CAMK1D: variants seen among roughly 807,000 people sequenced by gnomAD.
CAMK1D encodes calcium/calmodulin dependent protein kinase ID.
A neutral mutation model predicts 47.7 loss-of-function variants in CAMK1D; 9 were observed. The ratio of observed to expected loss-of-function variants is 0.19; its 90% CI spans 0.11 to 0.33. The LOEUF is 0.33. Among genes scored for constraint, CAMK1D ranks in the 10% least tolerant of loss-of-function variants. The probability of loss-of-function intolerance (pLI) is 1.00; values close to 1 mark genes in which losing one functional copy is unlikely to be tolerated. For synonymous variants in CAMK1D, 184 were observed against 184.9 expected (o/e 0.99, Z 0.04); for missense variants, 291 against 488.7 (o/e 0.60, Z 3.81).
chr10:12,681,230 C>T (rs1840983667), intron 3 of CAMK1D, among the ~76,000 whole-genome samples: 1 of 152,272 alleles, frequency 6.6e-6, no homozygotes, highest in Non-Finnish European at 1.5e-5. Flanking sequence ...CACTCCGTGT[C>T]TGCCCTCAGC....
At chr10:12,663,100 A>AT (rs1554805996) in intron 2 of CAMK1D, among the ~76,000 whole-genome samples, 2 of 152,264 alleles carry the variant, frequency 1.3e-5, no homozygotes, top group East Asian at 1.9e-4. Context: ...AGCTGGGATT[A>AT]CAGGCACATG....
Position 12,734,345 on chromosome 10 carries a change from AAT to A in CAMK1D, c.300-26571_300-26570del, listed in dbSNP as rs1212612487. 7.7e-3 allele frequency among the ~76,000 whole-genome samples: 65 copies of A among 8,476 alleles called. 2 individuals are homozygous for A. The highest frequency in any genetic ancestry group is 0.026 in the South Asian group (7 of 266). The allele number at this position is 8,476 out of a possible 152,430, so 5.6% of individuals were successfully genotyped here. On this transcript the variant is annotated intron_variant, in intron 3 of 10. Transcript: ENST00000619168. ...CTCAAAAAAAAAAAAAAAAAAAAAA[AAT>A]ATATATATATATATATATATATATA...
chr10:12,645,348 T>C (rs544580728), intron 2 of CAMK1D, among the ~76,000 whole-genome samples: 1 of 152,342 alleles, frequency 6.6e-6, no homozygotes, highest in African/African-American at 2.4e-5. Context: ...GTGAACGTCT[T>C]CACTTGCTGT....
At chr10:12,466,233 C>A (rs1564357038) in intron 1 of CAMK1D, among the ~76,000 whole-genome samples, 1 of 151,870 alleles carries the variant, frequency 6.6e-6, no homozygotes, top group Non-Finnish European at 1.5e-5. Context: ...CGGTGAAACC[C>A]CATCTCTACT....
At chr10:12,713,754 C>T (rs1834020081) in intron 3 of CAMK1D, among the ~76,000 whole-genome samples, 1 of 152,212 alleles carries the variant, frequency 6.6e-6, no homozygotes, top group Admixed American at 6.5e-5. Context: ...GGATGCCCCA[C>T]AGCCCAGCAT....
chr10:12,359,388 AG>A (rs1343053649), intron 1 of CAMK1D, among the ~76,000 whole-genome samples: 2 of 151,992 alleles, frequency 1.3e-5, no homozygotes, highest in Non-Finnish European at 2.9e-5. Context: ...TGCTCCCAAC[AG>A]GGGTGATTAG....
chr10:12,392,972 G>T lies in CAMK1D; in HGVS notation c.92+43062G>T, dbSNP rs1838793482. 2.0e-5 allele frequency among the ~76,000 whole-genome samples: 3 copies of T among 151,406 alleles called. No homozygotes were observed. The South Asian group carries it at 6.3e-4, about 32-fold the overall frequency. ...ACACACATACCCTGATCTGGACCAG[G>T]TTCTTAGCTACAACTGACTGCTCAT... On this transcript the variant is annotated intron_variant, in intron 1 of 10. Coordinates refer to ENST00000619168, the MANE Select transcript of CAMK1D (RefSeq NM_153498.4).
intron 3 of CAMK1D, among the ~76,000 whole-genome samples, chr10:12,681,646 T>G (rs1832439957): frequency 6.6e-6 from 1 of 152,270 alleles, no homozygotes; most frequent in African/African-American, 2.4e-5. Context: ...TTATGCATTC[T>G]AAGCTAACTG....
At chr10:12,511,146 G>A (rs577969604) in intron 1 of CAMK1D, among the ~76,000 whole-genome samples, 5 of 152,250 alleles carry the variant, frequency 3.3e-5, no homozygotes, top group South Asian at 2.1e-4. Context: ...TCTGGGTGAC[G>A]GGGAATCTGG....
chr10:12,475,367 G>C (rs1246703676), intron 1 of CAMK1D, among the ~76,000 whole-genome samples: 4 of 152,100 alleles, frequency 2.6e-5, no homozygotes, highest in African/African-American at 7.2e-5. Context: ...CATATAAGTG[G>C]AGTCATACTG....
At chr10:12,642,747 G>T (rs989065884) in intron 2 of CAMK1D, among the ~76,000 whole-genome samples, 3 of 151,200 alleles carry the variant, frequency 2.0e-5, no homozygotes, top group African/African-American at 4.9e-5. Context: ...TTTATTTTAG[G>T]GTTTGTAATT....
intron 6 of CAMK1D, among the ~76,000 whole-genome samples, chr10:12,801,262 T>TCCATCCATCCGTCC: frequency 6.8e-6 from 1 of 146,382 alleles, no homozygotes; most frequent in African/African-American, 2.6e-5. Context: ...TCCATCCATC[T>TCCATCCATCCGTCC]GTCCGTCCAT....
chr10:12,503,472 G>A (rs1010306779), intron 1 of CAMK1D, among the ~76,000 whole-genome samples: 12 of 152,202 alleles, frequency 7.9e-5, no homozygotes, highest in African/African-American at 2.9e-4. Context: ...CAGGTGAGGC[G>A]AAGAGGCCAG....
chr10:12,742,778 A>G (rs1835492223), intron 3 of CAMK1D, among the ~76,000 whole-genome samples: 1 of 152,254 alleles, frequency 6.6e-6, no homozygotes, highest in Non-Finnish European at 1.5e-5. Context: ...GAATGACTCC[A>G]GCTCCCTGTG....
At chr10:12,539,965 G>C (rs1309899154) in intron 1 of CAMK1D, among the ~76,000 whole-genome samples, 3 of 152,200 alleles carry the variant, frequency 2.0e-5, no homozygotes, top group African/African-American at 7.2e-5. Flanking sequence ...CTGTAGGCTG[G>C]AGTGCAATGG....
chr10:12,831,942 C>T lies in CAMK1D; in HGVS notation c.*3055C>T, dbSNP rs998514205. 6.6e-6 allele frequency: 1 copy of T among 152,168 alleles called. No individual in the cohort carries two copies. The highest frequency in any genetic ancestry group is 1.5e-5 in the Non-Finnish European group (1 of 68,062). 9.4% of individuals were successfully genotyped at this position (152,168 alleles called of 1,614,324 possible). On this transcript the variant is annotated 3_prime_UTR_variant, in exon 11 of 11. Transcript: ENST00000619168. ...AATGGGGTCTCAGAGTCCTAGGACC[C>T]GCACCAAGGTCAGAGTCCACCTGTA...
At chr10:12,771,767 C>T (rs1240195623) in intron 5 of CAMK1D, among the ~76,000 whole-genome samples, 3 of 152,210 alleles carry the variant, frequency 2.0e-5, no homozygotes, top group Non-Finnish European at 2.9e-5. Context: ...GGTGCAGTGG[C>T]TCACGCCTGT....
chr10:12,479,218 C>T (rs1012831824), intron 1 of CAMK1D, among the ~76,000 whole-genome samples: 6 of 151,568 alleles, frequency 4.0e-5, no homozygotes, highest in South Asian at 4.2e-4. Context: ...TTTTTTGAGA[C>T]GGAGTTTCAC....
intron 3 of CAMK1D, among the ~76,000 whole-genome samples, chr10:12,694,579 T>C (rs1419030492): frequency 1.5e-5 from 2 of 131,862 alleles, no homozygotes; most frequent in Non-Finnish European, 3.1e-5. Context: ...TATATAAAAA[T>C]ATATCATATA....
Sources: gnomAD v4.1 joint callset for allele counts (sites outside exome capture counted in the v4.1 genomes callset) on GRCh38, gnomAD v4.1.1 for gene constraint, MANE v1.5 for transcripts, NCBI Gene and HGNC (gene_info 2026-07-23, HGNC 2026-07-21) for gene names.